The following UVRAG variants were observed in gnomAD, a reference collection of about 807,000 sequenced individuals.
UVRAG encodes the protein UV radiation resistance associated.
In UVRAG, 19 loss-of-function variants were observed where a neutral mutation model predicts 78.0. The ratio of observed to expected loss-of-function variants is 0.24; its 90% CI spans 0.17 to 0.36. The LOEUF is 0.36. UVRAG is among the 10% of genes least tolerant of loss of function. UVRAG has a pLI of 1.00. For missense variants in UVRAG, 740 were observed against 853.8 expected (o/e 0.87, Z 1.66); for synonymous variants, 323 against 324.6 (o/e 1.00, Z 0.05).
chr11:75,935,473 TTC>T (rs138539219), intron 6 of UVRAG, among the ~76,000 whole-genome samples: 253 of 147,888 alleles, frequency 1.7e-3, no homozygotes, highest in Middle Eastern at 3.5e-3. Context: ...CTGTCTCTCT[TTC>T]TCTCTCTCTC....
chr11:75,909,803 T>C (rs999941997), intron 5 of UVRAG, among the ~76,000 whole-genome samples: 1 of 152,254 alleles, frequency 6.6e-6, no homozygotes, highest in Non-Finnish European at 1.5e-5. Flanking sequence ...TTTGCTGATA[T>C]TTCGCTAAGG....
chr11:76,086,202 A>G (rs1951586569), intron 13 of UVRAG, among the ~76,000 whole-genome samples: 1 of 152,232 alleles, frequency 6.6e-6, no homozygotes, highest in African/African-American at 2.4e-5. Flanking sequence ...TCGCTTAATC[A>G]TGAACTTAAA....
intron 11 of UVRAG, 145 bp from the exon 12 acceptor site, chr11:76,016,670 C>A: frequency 4.2e-6 from 3 of 708,644 alleles, no homozygotes; most frequent in Non-Finnish European, 6.1e-6. Flanking sequence ...TTTACATTTG[C>A]ATAAAATTTA....
intron 7 of UVRAG, among the ~76,000 whole-genome samples, chr11:75,967,198 T>C (rs1949039869): frequency 6.6e-6 from 1 of 152,234 alleles, no homozygotes; most frequent in African/African-American, 2.4e-5. Flanking sequence ...ATCCATAGTC[T>C]ATATCTTCTA....
intron 4 of UVRAG, among the ~76,000 whole-genome samples, chr11:75,882,769 C>T (rs534919782): frequency 4.3e-4 from 65 of 152,196 alleles, no homozygotes; most frequent in African/African-American, 1.5e-3. Flanking sequence ...TTAGATTCCA[C>T]GGACAAGTGA....
chr11:76,140,956 C>T lies in UVRAG; in HGVS notation c.1643C>T (p.Ser548Phe). 6.2e-7 allele frequency: 1 copy of T among 1,614,164 alleles called. No individual in the cohort carries two copies. The highest frequency in any genetic ancestry group is 8.5e-7 in the Non-Finnish European group (1 of 1,180,038). The change falls in exon 15 of 15, where the codon TCC becomes TTC. Residue 548 changes from serine to phenylalanine, a missense_variant. Physicochemically the swap from Ser to Phe is radical, Grantham distance 155. Transcript: ENST00000356136. ...GETERKITSL[S>F]SSLDTSLDFS... The stretch of plus-strand genomic sequence containing the variant: ...ACCGAGAGAAAGATAACATCTCTAT[C>T]CTCCTCCTTGGATACCTCCTTGGAC...
chr11:75,890,806 C>G (rs1274603416), intron 5 of UVRAG, among the ~76,000 whole-genome samples: 1 of 152,092 alleles, frequency 6.6e-6, no homozygotes, highest in Non-Finnish European at 1.5e-5. Flanking sequence ...TGGAAGACCT[C>G]CAGTTTTTAA....
chr11:75,952,926 T>C (rs1369230531), intron 6 of UVRAG, among the ~76,000 whole-genome samples: 2 of 152,080 alleles, frequency 1.3e-5, no homozygotes, highest in Non-Finnish European at 2.9e-5. Context: ...CAAATATAAT[T>C]TATTTAACAG....
chr11:75,995,030 C>A (rs1180289128), intron 8 of UVRAG, among the ~76,000 whole-genome samples: 1 of 152,160 alleles, frequency 6.6e-6, no homozygotes, highest in African/African-American at 2.4e-5. Flanking sequence ...GTCAAGATTT[C>A]TTTCAGCTCT....
chr11:76,068,410 A>C (rs768771875), intron 13 of UVRAG, among the ~76,000 whole-genome samples: 12 of 152,328 alleles, frequency 7.9e-5, no homozygotes, highest in Middle Eastern at 6.8e-3. Flanking sequence ...CTCCAGCTTT[A>C]TATATGCTCT....
chr11:76,125,316 T>C (rs1313203966), intron 14 of UVRAG, among the ~76,000 whole-genome samples: 1 of 152,198 alleles, frequency 6.6e-6, no homozygotes, highest in Non-Finnish European at 1.5e-5. Context: ...AGTTATTTTC[T>C]CTAAGATAGC....
intron 13 of UVRAG, 32 bp from the exon 14 acceptor site, chr11:76,115,892 A>G: frequency 1.2e-6 from 2 of 1,606,288 alleles, no homozygotes; most frequent in Non-Finnish European, 1.7e-6. Context: ...ATCTGCCAAA[A>G]TATCTTTAAT....
At chr11:75,864,355 C>T (rs1946491043) in intron 3 of UVRAG, among the ~76,000 whole-genome samples, 1 of 152,206 alleles carries the variant, frequency 6.6e-6, no homozygotes, top group South Asian at 2.1e-4. Context: ...TGTGCCCAGC[C>T]TAATTAACTC....
chr11:76,008,179 G>T (rs372635994), intron 10 of UVRAG, among the ~76,000 whole-genome samples: 1 of 152,018 alleles, frequency 6.6e-6, no homozygotes, highest in South Asian at 2.1e-4. Flanking sequence ...CAAAGTGCTC[G>T]CATATCAGGT....
chr11:75,891,125 A>G (rs1947205083), intron 5 of UVRAG, among the ~76,000 whole-genome samples: 1 of 152,128 alleles, frequency 6.6e-6, no homozygotes, highest in Admixed American at 6.5e-5. Flanking sequence ...CTAAGTTCCT[A>G]TATCAACATA....
At chr11:75,999,236 G>C (rs935331289) in intron 8 of UVRAG, among the ~76,000 whole-genome samples, 11 of 8,624 alleles carry the variant, frequency 1.3e-3, no homozygotes, top group African/African-American at 8.7e-3. Context: ...CTGCCTCAGA[G>C]AAAAAAAAAA....
chr11:75,905,214 TCTC>T (rs1362873698), intron 5 of UVRAG, among the ~76,000 whole-genome samples: 8 of 152,216 alleles, frequency 5.3e-5, no homozygotes, highest in African/African-American at 1.7e-4. Flanking sequence ...TATAAGACTG[TCTC>T]CTCTGTCCTT....
In UVRAG at chr11:75,943,180, C is replaced by T. The variant is rs557541425; in HGVS notation, c.594-18264C>T. On this transcript the variant is annotated intron_variant, in intron 6 of 14. Transcript: ENST00000356136. ...CTATAAAATCATCATGGCCTACACC[C>T]TCCCACCCCCACTTTGGTAGCGTTT... Among the ~76,000 whole-genome samples, 41 of 152,250 alleles carry T rather than the reference C, an allele frequency of 2.7e-4. No individual in the cohort carries two copies. The South Asian group carries it at 8.5e-3, about 32-fold the overall frequency.
At chr11:75,974,453 G>A (rs1161947803) in intron 7 of UVRAG, among the ~76,000 whole-genome samples, 11 of 137,680 alleles carry the variant, frequency 8.0e-5, no homozygotes, top group Non-Finnish European at 1.5e-5. Context: ...TGCAAGCTCC[G>A]CTTCCCGGGT....
Sources: gnomAD v4.1 joint callset for allele counts (sites outside exome capture counted in the v4.1 genomes callset) on GRCh38, gnomAD v4.1.1 for gene constraint, MANE v1.5 for transcripts, NCBI Gene and HGNC (gene_info 2026-07-23, HGNC 2026-07-21) for gene names.